CAMTA1: variants seen among roughly 807,000 people sequenced by gnomAD.
The protein encoded by CAMTA1 is calmodulin-binding transcription activator 1.
In CAMTA1, 27 loss-of-function variants were observed where a neutral mutation model predicts 170.9. That is an observed-to-expected ratio of 0.16 (90% CI 0.12 to 0.22). CAMTA1 has a LOEUF of 0.22. Ranked by LOEUF, CAMTA1 falls within the 10% of genes least tolerant of loss-of-function variation. CAMTA1 has a pLI of 1.00. For missense variants in CAMTA1, 1,619 were observed against 2,217.2 expected, an observed-to-expected ratio of 0.73 and a Z score of 5.42; for synonymous variants, 833 against 891.5, an observed-to-expected ratio of 0.93 and a Z score of 1.17.
Position 7,067,493 on chromosome 1 carries a change from C to T in CAMTA1, c.235-23811C>T, listed in dbSNP as rs886489302. On this transcript the variant is annotated intron_variant, in intron 3 of 22. Coordinates refer to ENST00000303635, the MANE Select transcript of CAMTA1 (RefSeq NM_015215.4). The surrounding 1 kb of genome is among the most constrained non-coding windows in gnomAD (Gnocchi z 4.3). Reference sequence around the variant, plus strand: ...GATCTTGACTCTGTTCCCAACCAGCCTCTTGGTTTAATTCCAGGATTCATT... The same window carrying T: ...GATCTTGACTCTGTTCCCAACCAGCTTCTTGGTTTAATTCCAGGATTCATT... Among the ~76,000 whole-genome samples the T allele has an allele frequency of 6.6e-6, 1 of 152,170 alleles. No homozygotes were observed. The highest frequency in any genetic ancestry group is 1.5e-5 in the Non-Finnish European group (1 of 68,028).
chr1:6,847,950 A>G (rs111522476), intron 3 of CAMTA1, among the ~76,000 whole-genome samples: 18,264 of 148,210 alleles, frequency 0.12, 1,645 homozygotes, highest in Admixed American at 0.28. Flanking sequence ...TGACCTCGTA[A>G]TCTGCCTGCC....
At chr1:7,386,621 C>T (rs1318695745) in intron 5 of CAMTA1, among the ~76,000 whole-genome samples, 2 of 152,154 alleles carry the variant, frequency 1.3e-5, no homozygotes, top group African/African-American at 2.4e-5. Context: ...TGCACCTTGA[C>T]GATGGGCAGA....
chr1:7,260,731 A>G (rs1435442046), intron 5 of CAMTA1, among the ~76,000 whole-genome samples: 1 of 152,210 alleles, frequency 6.6e-6, no homozygotes, highest in Non-Finnish European at 1.5e-5. Flanking sequence ...GAGTCCCCCT[A>G]GAATAGTGAC....
chr1:6,905,136 G>C (rs1014423906), intron 3 of CAMTA1, among the ~76,000 whole-genome samples: 3 of 150,564 alleles, frequency 2.0e-5, no homozygotes, highest in Admixed American at 1.3e-4. Flanking sequence ...CACTGCCCCA[G>C]CTTGGGCCCT....
At chr1:7,351,437 G>A (rs1472159276) in intron 5 of CAMTA1, among the ~76,000 whole-genome samples, 2 of 152,206 alleles carry the variant, frequency 1.3e-5, no homozygotes, top group Admixed American at 6.5e-5. Context: ...TACCTCCCAC[G>A]ACTCAGTGGT....
At chr1:7,254,821 C>T (rs1378812482) in intron 5 of CAMTA1, among the ~76,000 whole-genome samples, 1 of 152,150 alleles carries the variant, frequency 6.6e-6, no homozygotes, top group East Asian at 1.9e-4. Flanking sequence ...TGCTTGCAGC[C>T]ACTGGAAAAC....
At chr1:7,688,441 A>G (rs3121219) in intron 11 of CAMTA1, among the ~76,000 whole-genome samples, 140,719 of 152,120 alleles carry the variant, frequency 0.93, 65,187 homozygotes, top group East Asian at 1. Flanking sequence ...CCAGGCCAGC[A>G]ATGGGCTGAC....
rs147279219 is a variant in CAMTA1, at chr1:7,733,061, G to A, written c.3066+462G>A. ...AAAAAAATTTTTTTTAATTAGCCAG[G>A]CGTGGTGGGACATCCCTGTGGTCCC... On this transcript the variant is annotated intron_variant, in intron 12 of 22. Coordinates refer to ENST00000303635, the MANE Select transcript of CAMTA1 (RefSeq NM_015215.4). 7.7e-3 allele frequency among the ~76,000 whole-genome samples: 1,167 copies of A among 152,206 alleles called. 8 individuals are homozygous for A. The highest frequency in any genetic ancestry group is 0.015 in the African/African-American group (633 of 41,528).
At chr1:7,712,007 A>G (rs1300013873) in intron 11 of CAMTA1, among the ~76,000 whole-genome samples, 5 of 152,364 alleles carry the variant, frequency 3.3e-5, no homozygotes, top group African/African-American at 1.2e-4. Flanking sequence ...GTGCACATAT[A>G]TATGCATATT....
At chr1:6,863,325 C>A (rs1182712585) in intron 3 of CAMTA1, among the ~76,000 whole-genome samples, 1 of 152,198 alleles carries the variant, frequency 6.6e-6, no homozygotes, top group Non-Finnish European at 1.5e-5. Context: ...TCTCCCCATT[C>A]CCTCCCCAAC....
intron 5 of CAMTA1, among the ~76,000 whole-genome samples, chr1:7,338,623 C>A (rs1394594519): frequency 2.0e-5 from 3 of 152,166 alleles, no homozygotes; most frequent in African/African-American, 7.2e-5. Context: ...GGCATTCAGT[C>A]AAGAACTGAA....
intron 5 of CAMTA1, among the ~76,000 whole-genome samples, chr1:7,387,491 C>G (rs2088139917): frequency 6.6e-6 from 1 of 152,198 alleles, no homozygotes; most frequent in Non-Finnish European, 1.5e-5. Flanking sequence ...CTGCAGCTGC[C>G]CCTGCCAGCA....
At chr1:7,054,792 C>T (rs183284973) in intron 3 of CAMTA1, among the ~76,000 whole-genome samples, 6 of 152,286 alleles carry the variant, frequency 3.9e-5, no homozygotes, top group Admixed American at 2.0e-4. Flanking sequence ...AGTCCACTCT[C>T]GCACTGCTTT....
At chr1:7,743,699 G>C (rs1312705700) in intron 16 of CAMTA1, among the ~76,000 whole-genome samples, 1 of 152,060 alleles carries the variant, frequency 6.6e-6, no homozygotes, top group South Asian at 2.1e-4. Context: ...TTAAGAACCC[G>C]AAGTGCTGTG....
At chr1:7,250,035 ACAGAGCCTGG>A (rs1195654440) in intron 5 of CAMTA1, among the ~76,000 whole-genome samples, 3 of 134,714 alleles carry the variant, frequency 2.2e-5, no homozygotes, top group African/African-American at 7.8e-5. Context: ...CAGGCCCCTC[ACAGAGCCTGG>A]CTTCACCCCC....
intron 6 of CAMTA1, among the ~76,000 whole-genome samples, chr1:7,603,735 C>A (rs1173592237): frequency 6.6e-6 from 1 of 152,124 alleles, no homozygotes; most frequent in Non-Finnish European, 1.5e-5. Flanking sequence ...ATGATGTTAG[C>A]TGGTCATTTT....
At chr1:6,881,114 G>A (rs972735701) in intron 3 of CAMTA1, among the ~76,000 whole-genome samples, 5 of 152,088 alleles carry the variant, frequency 3.3e-5, no homozygotes, top group African/African-American at 1.2e-4. Flanking sequence ...GCTAGTAAGT[G>A]GTGCTGTTGC....
chr1:7,527,962 G>A (rs1042055582), intron 6 of CAMTA1, among the ~76,000 whole-genome samples: 1 of 152,150 alleles, frequency 6.6e-6, no homozygotes, highest in African/African-American at 2.4e-5. Flanking sequence ...TTTGGAGGGC[G>A]CAGCGGCAAG....
chr1:7,467,730 G>A, intron 5 of CAMTA1, 100 bp from the exon 6 acceptor site: 1 of 1,084,746 alleles, frequency 9.2e-7, no homozygotes, highest in Middle Eastern at 2.0e-4. Flanking sequence ...CCGCTGCCAG[G>A]CGGCTGTGGC....
Sources: gnomAD v4.1 joint callset for allele counts (sites outside exome capture counted in the v4.1 genomes callset) on GRCh38, gnomAD v4.1.1 for gene constraint, Gnocchi (gnomAD v3.1) non-coding constraint, MANE v1.5 for transcripts, NCBI Gene and HGNC (gene_info 2026-07-23, HGNC 2026-07-21) for gene names.